Variants in SLC10A7 observed in about 807,000 individuals in gnomAD.
SLC10A7 encodes the protein sodium/bile acid cotransporter 7.
SLC10A7 carries 29 observed loss-of-function variants against 43.2 expected under a neutral mutation model. That is an observed-to-expected ratio of 0.67 (90% CI 0.50 to 0.92). The LOEUF (loss-of-function observed/expected upper bound fraction) is 0.92. SLC10A7 is among the 40% of genes least tolerant of loss of function. The pLI, the probability that SLC10A7 is intolerant of heterozygous loss-of-function variation, is 0.00. For synonymous variants in SLC10A7, 152 were observed against 144.8 expected (o/e 1.05, Z -0.35); for missense variants, 295 against 403.2 (o/e 0.73, Z 2.30).
At chr4:146,394,897 C>T (rs1034494015) in intron 5 of SLC10A7, among the ~76,000 whole-genome samples, 1 of 152,042 alleles carries the variant, frequency 6.6e-6, no homozygotes, top group Non-Finnish European at 1.5e-5. Flanking sequence ...AAACTCATGC[C>T]TTTTTAGAAA....
chr4:146,461,505 A>G (rs1732522798), intron 4 of SLC10A7, among the ~76,000 whole-genome samples: 5 of 152,036 alleles, frequency 3.3e-5, no homozygotes, highest in Non-Finnish European at 5.9e-5. Context: ...TGTACAAGGA[A>G]ACAAGAGACA....
intron 7 of SLC10A7, among the ~76,000 whole-genome samples, chr4:146,304,580 T>G (rs1731408864): frequency 6.6e-6 from 1 of 152,242 alleles, no homozygotes; most frequent in South Asian, 2.1e-4. Context: ...TTCTTAATCC[T>G]GAGTTCTAGT....
At chr4:146,424,163 C>CA (rs1729150985) in intron 5 of SLC10A7, among the ~76,000 whole-genome samples, 1 of 152,136 alleles carries the variant, frequency 6.6e-6, no homozygotes, top group South Asian at 2.1e-4. Flanking sequence ...ATGGTTCTCC[C>CA]ACCTCAGCCT....
chr4:146,368,266 C>A (rs1386401206), intron 5 of SLC10A7, among the ~76,000 whole-genome samples: 1 of 152,098 alleles, frequency 6.6e-6, no homozygotes, highest in Non-Finnish European at 1.5e-5. Flanking sequence ...AGAAATCAAC[C>A]CTTTCAGTCA....
chr4:146,433,162 G>GT (rs1729916473), intron 5 of SLC10A7, among the ~76,000 whole-genome samples: 1 of 149,470 alleles, frequency 6.7e-6, no homozygotes, highest in South Asian at 2.1e-4. Context: ...ATATTCTCTA[G>GT]CTTTTTTTTT....
At chr4:146,422,825 C>T (rs72729867) in intron 5 of SLC10A7, among the ~76,000 whole-genome samples, 8,398 of 152,166 alleles carry the variant, frequency 0.055, 281 homozygotes, top group Middle Eastern at 0.082. Flanking sequence ...TCTACCTGTT[C>T]TGCAAAGCTG....
intron 3 of SLC10A7, among the ~76,000 whole-genome samples, chr4:146,506,282 T>C (rs1161377050): frequency 6.6e-6 from 1 of 152,150 alleles, no homozygotes; most frequent in East Asian, 1.9e-4. Flanking sequence ...TTGCCAACTA[T>C]ATATTGAATA....
In SLC10A7 at chr4:146,398,773, C is replaced by T. The variant is rs2149813703; in HGVS notation, c.435+44010G>A. 1.3e-5 allele frequency among the ~76,000 whole-genome samples: 2 copies of T among 152,312 alleles called. 1 individual carries two copies. On this transcript the variant is annotated intron_variant, in intron 5 of 11. Coordinates refer to ENST00000335472, the MANE Select transcript of SLC10A7 (RefSeq NM_001029998.6). The stretch of plus-strand genomic sequence containing the variant: ...TAGCCAAAGTGGGAAAAGAGAAACT[C>T]TGCATGTGACTAGGTATCACAGACC...
intron 4 of SLC10A7, among the ~76,000 whole-genome samples, chr4:146,495,766 A>AAC (rs57202992): frequency 0.16 from 21,935 of 139,428 alleles, 1,635 homozygotes; most frequent in Non-Finnish European, 0.17. Context: ...GATGAAAGTA[A>AAC]ACACACACAC....
At chr4:146,348,200 G>T (rs766672762) in intron 5 of SLC10A7, among the ~76,000 whole-genome samples, 1 of 152,108 alleles carries the variant, frequency 6.6e-6, no homozygotes, top group Admixed American at 6.5e-5. Context: ...ACCAAACCTC[G>T]TTGGCTTCTG....
intron 6 of SLC10A7, among the ~76,000 whole-genome samples, chr4:146,314,275 A>G (rs1020181366): frequency 6.6e-6 from 1 of 152,232 alleles, no homozygotes; most frequent in Non-Finnish European, 1.5e-5. Flanking sequence ...GGTTTCTTAT[A>G]CAAAGATGTG....
At chr4:146,310,076 T>C (rs1175585291) in intron 6 of SLC10A7, among the ~76,000 whole-genome samples, 1 of 152,104 alleles carries the variant, frequency 6.6e-6, no homozygotes, top group Non-Finnish European at 1.5e-5. Context: ...TGTAGTATTT[T>C]GTTTTCAGTT....
At chr4:146,268,930 C>T (rs903005001) in intron 10 of SLC10A7, among the ~76,000 whole-genome samples, 11 of 152,130 alleles carry the variant, frequency 7.2e-5, no homozygotes, top group Non-Finnish European at 1.5e-4. Flanking sequence ...AGGAAAATAA[C>T]CGTTACACAG....
At chr4:146,520,992 A>T (rs1014995364) in intron 1 of SLC10A7, among the ~76,000 whole-genome samples, 1 of 152,118 alleles carries the variant, frequency 6.6e-6, no homozygotes, top group East Asian at 1.9e-4. Context: ...ATAGTCTAAC[A>T]GTCTGTATCT....
chr4:146,316,226 C>A (rs1578864108), intron 6 of SLC10A7, among the ~76,000 whole-genome samples: 1 of 152,090 alleles, frequency 6.6e-6, no homozygotes, highest in Non-Finnish European at 1.5e-5. Flanking sequence ...TCTGCCCTTG[C>A]CTAAATGAGA....
intron 5 of SLC10A7, among the ~76,000 whole-genome samples, chr4:146,437,488 AT>A: frequency 6.6e-6 from 1 of 152,228 alleles, no homozygotes; most frequent in East Asian, 1.9e-4. Context: ...TTGTTCTGGC[AT>A]TTAAGTTTAA....
Position 146,511,641 on chromosome 4 carries a change from A to G in SLC10A7, c.184-1592T>C, listed in dbSNP as rs1737479126. Among the ~76,000 whole-genome samples, 3 of 152,372 alleles carry G rather than the reference A, an allele frequency of 2.0e-5. No homozygotes were observed. The South Asian group carries it at 6.2e-4, about 32-fold the overall frequency. On this transcript the variant is annotated intron_variant, in intron 2 of 11. Transcript: ENST00000335472. ...TCCTGTTAGGTCACAAGACATCCCT[A>G]AATGACATCTAAAGAATTTCTAGCG...
chr4:146,450,054 T>C (rs1002233334), intron 4 of SLC10A7, among the ~76,000 whole-genome samples: 5 of 152,008 alleles, frequency 3.3e-5, no homozygotes, highest in Non-Finnish European at 7.4e-5. Flanking sequence ...TCAATAAAAA[T>C]ATTATAATAA....
intron 6 of SLC10A7, among the ~76,000 whole-genome samples, chr4:146,315,664 T>G (rs1011251562): frequency 1.3e-5 from 2 of 152,154 alleles, no homozygotes; most frequent in Admixed American, 1.3e-4. Flanking sequence ...AAGTTGAATT[T>G]TAATTATTTG....
Sources: gnomAD v4.1 joint callset for allele counts (sites outside exome capture counted in the v4.1 genomes callset) on GRCh38, gnomAD v4.1.1 for gene constraint, MANE v1.5 for transcripts, NCBI Gene and HGNC (gene_info 2026-07-23, HGNC 2026-07-21) for gene names.